Variants in ULK4 observed in about 807,000 individuals in gnomAD.
ULK4 encodes unc-51 like kinase 4.
Under a neutral mutation model 160.6 loss-of-function variants are expected in ULK4, and 133 were observed. The ratio of observed to expected loss-of-function variants is 0.83; its 90% CI spans 0.72 to 0.96. The LOEUF is 0.96. ULK4 is among the 40% of genes least tolerant of loss of function. The pLI is 0.00. For synonymous variants in ULK4, 534 were observed against 539.8 expected (o/e 0.99, Z 0.15); for missense variants, 1,580 against 1,499.5 (o/e 1.05, Z -0.89).
At chr3:41,496,791 C>T (rs1453774552) in intron 32 of ULK4, among the ~76,000 whole-genome samples, 2 of 152,136 alleles carry the variant, frequency 1.3e-5, no homozygotes, top group Non-Finnish European at 2.9e-5. Context: ...TCCCTAACTA[C>T]TCTAGGTATT....
At chr3:41,587,436 G>C (rs1203136651) in intron 31 of ULK4, among the ~76,000 whole-genome samples, 1 of 152,148 alleles carries the variant, frequency 6.6e-6, no homozygotes, top group Non-Finnish European at 1.5e-5. Context: ...ATGTAGTGGG[G>C]ATAGAGCTCC....
intron 35 of ULK4, among the ~76,000 whole-genome samples, chr3:41,323,268 A>G (rs1340641612): frequency 1.3e-5 from 2 of 151,928 alleles, no homozygotes; most frequent in Admixed American, 6.6e-5. Flanking sequence ...GTTGCCATAC[A>G]CACACACGTC....
intron 31 of ULK4, among the ~76,000 whole-genome samples, chr3:41,607,514 A>AT (rs2032437063): frequency 1.3e-5 from 2 of 152,324 alleles, no homozygotes; most frequent in South Asian, 4.1e-4. Context: ...GTGTTACTGT[A>AT]TACCACTGCT....
Position 41,431,547 on chromosome 3 carries a change from C to CATTTTTTTT in ULK4, c.3492+23949_3492+23950insAAAAAAAAT, listed in dbSNP as rs563543377. Among the ~76,000 whole-genome samples the CATTTTTTTT allele has an allele frequency of 4.7e-3, 447 of 95,842 alleles. 22 individuals are homozygous for CATTTTTTTT. The highest frequency in any genetic ancestry group is 0.017 in the Middle Eastern group (3 of 178). The allele number at this position is 95,842 out of a possible 152,430, so 62.9% of individuals were successfully genotyped here. A position where few individuals can be genotyped will look rare whatever the true frequency, so the allele number is the denominator to read the frequency against. Reference sequence around the variant, plus strand: ...CCTGTGAGGTGTTGTAATTCCCTCCCTTTTTTTTTTTTTTTGATGTGGAAA... The same window carrying CATTTTTTTT: ...CCTGTGAGGTGTTGTAATTCCCTCCCATTTTTTTTTTTTTTTTTTTTTTTGATGTGGAAA... On this transcript the variant is annotated intron_variant, in intron 34 of 36. Transcript: ENST00000301831.
chr3:41,837,485 A>G (rs1406464183), intron 17 of ULK4, among the ~76,000 whole-genome samples: 3 of 152,042 alleles, frequency 2.0e-5, no homozygotes, highest in Admixed American at 2.0e-4. Flanking sequence ...ATTAGATCAT[A>G]CACTATATAT....
chr3:41,459,905 T>TTA (rs150848060), intron 33 of ULK4, among the ~76,000 whole-genome samples: 373 of 152,118 alleles, frequency 2.5e-3, no homozygotes, highest in African/African-American at 8.6e-3. Flanking sequence ...AGTCAGTAAG[T>TTA]TATAGATAAT....
chr3:41,839,406 A>G (rs992008695), intron 17 of ULK4, among the ~76,000 whole-genome samples: 1 of 149,688 alleles, frequency 6.7e-6, no homozygotes, highest in African/African-American at 2.4e-5. Context: ...TAATAGATAT[A>G]ACATATATAA....
At chr3:41,290,507 T>G (rs1419374098) in intron 35 of ULK4, among the ~76,000 whole-genome samples, 3 of 152,176 alleles carry the variant, frequency 2.0e-5, no homozygotes, top group Non-Finnish European at 2.9e-5. Flanking sequence ...TCTACTAGGC[T>G]TGCATCATCT....
At chr3:41,823,242 A>C (rs990364955) in intron 18 of ULK4, among the ~76,000 whole-genome samples, 2 of 152,172 alleles carry the variant, frequency 1.3e-5, no homozygotes, top group African/African-American at 4.8e-5. Context: ...GAAACAGCAA[A>C]TGTCAATATA....
chr3:41,602,863 G>A (rs548638205), intron 31 of ULK4, among the ~76,000 whole-genome samples: 51 of 151,948 alleles, frequency 3.4e-4, no homozygotes, highest in Middle Eastern at 3.4e-3. Flanking sequence ...CCTCAAAAAC[G>A]CTACAGACAA....
intron 18 of ULK4, among the ~76,000 whole-genome samples, chr3:41,823,708 A>T (rs974800468): frequency 6.6e-6 from 1 of 152,114 alleles, no homozygotes; most frequent in Admixed American, 6.5e-5. Flanking sequence ...TTGTACTCAA[A>T]CTGACAATTC....
chr3:41,537,030 T>G (rs570964324), intron 32 of ULK4, among the ~76,000 whole-genome samples: 15 of 152,344 alleles, frequency 9.8e-5, no homozygotes. Context: ...TGTCAATTTG[T>G]TTGCTGACAC....
At chr3:41,852,292 G>A (rs201238466) in intron 17 of ULK4, among the ~76,000 whole-genome samples, 2 of 152,034 alleles carry the variant, frequency 1.3e-5, no homozygotes, top group African/African-American at 2.4e-5. Context: ...ATTCACAGCC[G>A]AAAACTACTC....
At chr3:41,439,981 T>C (rs2083126027) in intron 34 of ULK4, among the ~76,000 whole-genome samples, 1 of 152,214 alleles carries the variant, frequency 6.6e-6, no homozygotes, top group African/African-American at 2.4e-5. Flanking sequence ...GCAAAACGCA[T>C]TACTTATTTC....
At chr3:41,834,570 G>T (rs1355295297) in intron 18 of ULK4, among the ~76,000 whole-genome samples, 1 of 152,182 alleles carries the variant, frequency 6.6e-6, no homozygotes, top group African/African-American at 2.4e-5. Flanking sequence ...GAAGAGGACG[G>T]ATTTGCTGTA....
chr3:41,689,017 G>T lies in ULK4; in HGVS notation c.2782-7213C>A, dbSNP rs533247817. On this transcript the variant is annotated intron_variant, in intron 27 of 36. Coordinates refer to ENST00000301831, the MANE Select transcript of ULK4 (RefSeq NM_017886.4). ...GTATTTTTTGTACTCTTCCAACTTA[G>T]GGCCGACTAGAGAAAGCCAAAAATG... Among the ~76,000 whole-genome samples, 3 of 152,258 alleles carry T rather than the reference G, an allele frequency of 2.0e-5. No homozygotes were observed. The South Asian group carries it at 6.2e-4, about 32-fold the overall frequency.
At chr3:41,553,323 T>A (rs762452808) in intron 32 of ULK4, among the ~76,000 whole-genome samples, 3 of 151,974 alleles carry the variant, frequency 2.0e-5, no homozygotes, top group Non-Finnish European at 4.4e-5. Flanking sequence ...GACCACTTTT[T>A]GAATGGGAGA....
In ULK4 at chr3:41,951,144, CAA is replaced by C. The variant is rs34524276; in HGVS notation, c.138+3476_138+3477del. Among the ~76,000 whole-genome samples, 531 of 64,612 alleles carry C rather than the reference CAA, an allele frequency of 8.2e-3. 2 individuals carry two copies. The highest frequency in any genetic ancestry group is 0.031 in the African/African-American group (448 of 14,406). 42.4% of individuals were successfully genotyped at this position (64,612 alleles called of 152,430 possible). On this transcript the variant is annotated intron_variant, in intron 2 of 36. Coordinates refer to ENST00000301831, the MANE Select transcript of ULK4 (RefSeq NM_017886.4). ...TGGAGGACAGAGCGAGGCTTCGTCT[CAA>C]AAAAAAAAAAAAAAAAAAAAAAGAC...
At chr3:41,505,898 G>A (rs564464114) in intron 32 of ULK4, among the ~76,000 whole-genome samples, 1 of 151,866 alleles carries the variant, frequency 6.6e-6, no homozygotes, top group South Asian at 2.1e-4. Context: ...CCAATTTCAG[G>A]GTGAAATTTT....
Sources: gnomAD v4.1 joint callset for allele counts (sites outside exome capture counted in the v4.1 genomes callset) on GRCh38, gnomAD v4.1.1 for gene constraint, MANE v1.5 for transcripts, NCBI Gene and HGNC (gene_info 2026-07-23, HGNC 2026-07-21) for gene names.